The following LLGL2 variants were observed in gnomAD, a reference collection of about 807,000 sequenced individuals.
The protein encoded by LLGL2 is LLGL2, scribble cell polarity complex component.
LLGL2 carries 81 observed loss-of-function variants against 123.2 expected under a neutral mutation model. That is an observed-to-expected ratio of 0.66 (90% CI 0.55 to 0.79). The LOEUF (loss-of-function observed/expected upper bound fraction) is 0.79, where lower values mean the gene tolerates loss of function less well. LLGL2 is among the 30% of genes least tolerant of loss of function. LLGL2 has a pLI of 0.00. For missense variants in LLGL2, 1,273 were observed against 1,414.6 expected (o/e 0.90, Z 1.61); for synonymous variants, 577 against 594.1 (o/e 0.97, Z 0.42).
intron 21 of LLGL2, 118 bp downstream of exon 21, chr17:75,573,749 C>T: frequency 7.9e-7 from 1 of 1,258,896 alleles, no homozygotes; most frequent in Non-Finnish European, 1.1e-6. Flanking sequence ...TCAGCCCACC[C>T]TCCCAGGCTC....
chr17:75,568,323 C>T, intron 10 of LLGL2, 153 bp from the exon 11 acceptor site: 1 of 1,441,004 alleles, frequency 6.9e-7, no homozygotes, highest in Non-Finnish European at 9.1e-7. Flanking sequence ...ACACCTGCTG[C>T]CCTCCTGGAG....
chr17:75,572,199 A>C, intron 19 of LLGL2, 135 bp downstream of exon 19: 5 of 886,224 alleles, frequency 5.6e-6, no homozygotes, highest in Non-Finnish European at 5.2e-6. Context: ...AGTACAGGAA[A>C]TAAGTGAGGG....
Position 75,563,013 on chromosome 17 carries a change from C to T in LLGL2, c.531-3C>T, listed in dbSNP as rs1194659985. The T allele has an allele frequency of 6.2e-7, 1 of 1,611,528 alleles. No homozygotes were observed. The highest frequency in any genetic ancestry group is 8.5e-7 in the Non-Finnish European group (1 of 1,179,996). ...GGAGGCTCACGGCACTCCCCTCGCC[C>T]AGGTTGCCAGAGGAGGCCCGCCACC... On this transcript the variant is annotated splice_region_variant and splice_polypyrimidine_tract_variant and intron_variant, in intron 6 of 25. Transcript: ENST00000392550.
At chr17:75,542,280 G>GGTGTTC (rs1047702895) in intron 1 of LLGL2, among the ~76,000 whole-genome samples, 11 of 152,054 alleles carry the variant, frequency 7.2e-5, no homozygotes, top group Admixed American at 6.6e-4. Flanking sequence ...CTTCGGGCCA[G>GGTGTTC]GTGTTCCCTC....
Position 75,569,280 on chromosome 17 carries a change from C to G in LLGL2, c.1536C>G (p.Leu512=). 1.2e-6 allele frequency: 2 copies of G among 1,613,554 alleles called. No homozygotes were observed. The highest frequency in any genetic ancestry group is 2.2e-5 in the South Asian group (2 of 91,076). The change falls in exon 14 of 26, where the codon CTC becomes CTG. Residue 512 remains leucine, a synonymous_variant. Transcript: ENST00000392550. ...DPRLGIQKIF[L]CKYSGYLAVA... ...GGCTGGGCATCCAGAAGATCTTCCT[C>G]TGCAAGTACAGCGGCTACCTGGCTG...
chr17:75,573,448 G>A, intron 20 of LLGL2, 33 bp from the exon 21 acceptor site: 1 of 1,593,826 alleles, frequency 6.3e-7, no homozygotes, highest in Non-Finnish European at 8.6e-7. Context: ...GCAGCCGCCA[G>A]GCCAGGCCGC....
rs1272757121 is a variant in LLGL2 at position 75,551,638 on chromosome 17, TAGA to T, written c.76-4403_76-4401del. On this transcript the variant is annotated intron_variant, in intron 2 of 25. Transcript: ENST00000392550. ...AGGAGTAGTGACTCTGGTGAAATGT[TAGA>T]AGAACTGCCCGCCCTTGACTTGTGG... Among the ~76,000 whole-genome samples, 4 of 152,088 alleles carry T rather than the reference TAGA, an allele frequency of 2.6e-5. No homozygotes were observed. In the East Asian group the frequency reaches 7.7e-4, roughly 29 times the overall value.
chr17:75,559,325 G>C lies in LLGL2; in HGVS notation c.445G>C (p.Glu149Gln), dbSNP rs376753735. 6.2e-7 allele frequency: 1 copy of C among 1,613,610 alleles called. No individual in the cohort carries two copies. The highest frequency in any genetic ancestry group is 8.5e-7 in the Non-Finnish European group (1 of 1,179,986). The change falls in exon 6 of 26, where the codon GAG (glutamate) becomes CAG (glutamine). Residue 149 changes from glutamate to glutamine, a missense_variant. Glu to Gln is a conservative substitution (Grantham distance 29). Transcript: ENST00000392550. The surrounding 1 kb of genome is among the most constrained non-coding windows in gnomAD (Gnocchi z 4.6). ...SSCELLYLGTESGNVFVVQLP... is the reference protein window; with the variant it reads ...SSCELLYLGTQSGNVFVVQLP... The stretch of plus-strand genomic sequence containing the variant: ...CTGCGAGCTGCTCTACCTGGGCACC[G>C]AGAGTGGCAACGTGTTTGTGGTGCA...
intron 1 of LLGL2, among the ~76,000 whole-genome samples, chr17:75,535,675 G>C (rs2053974563): frequency 6.6e-6 from 1 of 152,240 alleles, no homozygotes; most frequent in Non-Finnish European, 1.5e-5. Flanking sequence ...CTGCCACTTA[G>C]AGCGAGGGGG....
chr17:75,562,649 A>C (rs1598608347), intron 6 of LLGL2: 1 of 252,400 alleles, frequency 4.0e-6, no homozygotes, highest in Non-Finnish European at 7.9e-6. Flanking sequence ...GCTCACTGCA[A>C]CCTCCGCCTC....
At chr17:75,550,063 C>T (rs1411186506) in intron 2 of LLGL2, among the ~76,000 whole-genome samples, 11 of 152,280 alleles carry the variant, frequency 7.2e-5, no homozygotes, top group African/African-American at 1.9e-4. Flanking sequence ...CTGGATGCCG[C>T]GCTTCGGAGG....
chr17:75,548,262 G>A (rs2054512135), intron 2 of LLGL2, among the ~76,000 whole-genome samples: 1 of 147,030 alleles, frequency 6.8e-6, no homozygotes, highest in Non-Finnish European at 1.5e-5. Context: ...TTTTACAGAA[G>A]GACAATTTTT....
At chr17:75,561,726 G>C (rs1410980483) in intron 6 of LLGL2, among the ~76,000 whole-genome samples, 1 of 152,178 alleles carries the variant, frequency 6.6e-6, no homozygotes, top group East Asian at 1.9e-4. Context: ...TTCGAGACCA[G>C]CTTGGGCAAC....
In LLGL2 at chr17:75,570,201, C is replaced by T. The variant is rs1273684386; in HGVS notation, c.1820C>T (p.Thr607Ile). Residue 607 changes from threonine to isoleucine, a missense_variant, in exon 15 of 26, where the codon ACC (threonine) becomes ATC (isoleucine). Thr to Ile is a moderately conservative substitution (Grantham distance 89, BLOSUM62 -1). Coordinates refer to ENST00000392550, the MANE Select transcript of LLGL2 (RefSeq NM_001031803.2). ...HSEWRLVAFG[T>I]SHGFGLFDHQ... is the part of the protein sequence containing the mutation. ...GAGTGGCGGCTCGTGGCCTTCGGCACCAGCCATGGCTTTGGCCTCTTTGAC... is the reference window on the plus strand; with the variant it reads ...GAGTGGCGGCTCGTGGCCTTCGGCATCAGCCATGGCTTTGGCCTCTTTGAC... The T allele has an allele frequency of 4.4e-6, 7 of 1,594,364 alleles. No individual in the cohort carries two copies. The South Asian group carries it at 6.8e-5, about 15-fold the overall frequency.
At chr17:75,545,080 T>G (rs940918872) in intron 2 of LLGL2, among the ~76,000 whole-genome samples, 6 of 152,068 alleles carry the variant, frequency 3.9e-5, no homozygotes, top group African/African-American at 7.2e-5. Flanking sequence ...GGCAGAAACC[T>G]GACAGGCTCA....
chr17:75,574,693 G>T (rs1671016), intron 25 of LLGL2, 25 bp downstream of exon 25: 1 of 1,603,252 alleles, frequency 6.2e-7, no homozygotes, highest in Admixed American at 1.7e-5. Context: ...CTTGAGTGCA[G>T]CTGCCAACCG....
At chr17:75,536,752 A>G (rs1209250487) in intron 1 of LLGL2, among the ~76,000 whole-genome samples, 1 of 152,208 alleles carries the variant, frequency 6.6e-6, no homozygotes, top group African/African-American at 2.4e-5. Context: ...GGGATTTTTA[A>G]TAGATTCTAC....
In LLGL2 at chr17:75,574,635, G is replaced by C. The variant is rs1238552698; in HGVS notation, c.3022G>C (p.Ala1008Pro). The change falls in exon 25 of 26, where the codon GCC becomes CCC. Residue 1008 changes from alanine (A) to proline (P), a missense_variant. Physicochemically the swap from Ala to Pro is conservative, Grantham distance 27 (BLOSUM62 -1). Transcript: ENST00000392550. The part of the protein sequence containing the change: ...RGSGNWRSHR[A>P]AVGCSLSNGG... ...GAGCGGCAACTGGCGTTCACATCGA[G>C]CCGCCGTGGGGTGCAGCCTCAGCAA... 1.2e-6 allele frequency: 2 copies of C among 1,612,212 alleles called. No homozygotes were observed. Among genetic ancestry groups the C allele is most frequent in the Non-Finnish European group, 1.7e-6 (2 of 1,179,680 alleles).
intron 2 of LLGL2, among the ~76,000 whole-genome samples, chr17:75,552,718 C>A (rs942752212): frequency 2.6e-5 from 4 of 152,200 alleles, no homozygotes; most frequent in Admixed American, 1.3e-4. Context: ...CGAAGCGTGG[C>A]CTGCCTGAGT....
Sources: allele counts gnomAD v4.1 joint callset (sites outside exome capture counted in the v4.1 genomes callset), GRCh38; gene constraint gnomAD v4.1.1; non-coding constraint Gnocchi (gnomAD v3.1); transcripts MANE v1.5; gene names NCBI Gene and HGNC (gene_info 2026-07-23, HGNC 2026-07-21).